Variants in RBFOX1 observed in about 807,000 individuals in gnomAD.
RBFOX1 encodes RNA binding fox-1 homolog 1, also known as RNA binding protein fox-1 homolog 1.
A neutral mutation model predicts 57.7 loss-of-function variants in RBFOX1; 8 were observed. The observed-to-expected ratio is 0.14, with a 90% CI of 0.08 to 0.25. RBFOX1 has a LOEUF of 0.25. Ranked by LOEUF, RBFOX1 falls within the 10% of genes least tolerant of loss-of-function variation. The pLI is 1.00. For synonymous variants in RBFOX1, 326 were observed against 222.4 expected (o/e 1.47, Z -4.15); for missense variants, 611 against 548.5 (o/e 1.11, Z -1.14).
chr16:7,608,958 G>A (rs1220773193), intron 10 of RBFOX1, among the ~76,000 whole-genome samples: 1 of 152,050 alleles, frequency 6.6e-6, no homozygotes, highest in African/African-American at 2.4e-5. Context: ...GTTCATTTAG[G>A]GGGTGTTAAT....
intron 1 of RBFOX1, among the ~76,000 whole-genome samples, chr16:5,438,214 A>G (rs2067974813): frequency 6.6e-6 from 1 of 152,222 alleles, no homozygotes; most frequent in African/African-American, 2.4e-5. Context: ...GCTCACTTAT[A>G]GGACGTGGGG....
chr16:6,803,306 G>A (rs911536149), intron 3 of RBFOX1, among the ~76,000 whole-genome samples: 2 of 152,152 alleles, frequency 1.3e-5, no homozygotes, highest in African/African-American at 2.4e-5. Context: ...AACTGGCATT[G>A]TTTCCTTAGT....
intron 3 of RBFOX1, among the ~76,000 whole-genome samples, chr16:5,700,799 T>C (rs1034105893): frequency 2.0e-5 from 3 of 152,222 alleles, no homozygotes; most frequent in African/African-American, 7.2e-5. Context: ...AATTCTTCAG[T>C]TATCCTTCCT....
intron 4 of RBFOX1, among the ~76,000 whole-genome samples, chr16:7,092,556 G>T (rs1056546749): frequency 1.3e-5 from 2 of 152,122 alleles, no homozygotes; most frequent in Non-Finnish European, 2.9e-5. Flanking sequence ...TTGATTATCA[G>T]TTGTTTCTGC....
At chr16:5,473,169 T>C (rs568988468) in intron 2 of RBFOX1, among the ~76,000 whole-genome samples, 5 of 152,322 alleles carry the variant, frequency 3.3e-5, no homozygotes, top group Non-Finnish European at 4.4e-5. Flanking sequence ...ATAATATTCC[T>C]TTTTTGTTCT....
At chr16:5,598,582 A>G (rs1369856080) in intron 2 of RBFOX1, among the ~76,000 whole-genome samples, 4 of 152,274 alleles carry the variant, frequency 2.6e-5, no homozygotes, top group African/African-American at 9.6e-5. Flanking sequence ...CGATATAAAA[A>G]TAATGAAATA....
At chr16:5,678,479 A>C (rs528207790) in intron 3 of RBFOX1, among the ~76,000 whole-genome samples, 1 of 152,338 alleles carries the variant, frequency 6.6e-6, no homozygotes, top group East Asian at 1.9e-4. Flanking sequence ...CATATGTGCA[A>C]GCGGGTAGGG....
chr16:7,219,846 C>G (rs2178720), intron 4 of RBFOX1, among the ~76,000 whole-genome samples: 3 of 151,952 alleles, frequency 2.0e-5, no homozygotes, highest in African/African-American at 4.8e-5. Context: ...CCCATTGTTT[C>G]TGAGAGTGAG....
At chr16:6,049,969 T>C (rs2095535985) in intron 1 of RBFOX1, among the ~76,000 whole-genome samples, 1 of 151,794 alleles carries the variant, frequency 6.6e-6, no homozygotes. Context: ...TTTTTTTTTT[T>C]TTGAGAGTGG....
At chr16:5,792,584 T>A (rs2054737882) in intron 3 of RBFOX1, among the ~76,000 whole-genome samples, 1 of 152,244 alleles carries the variant, frequency 6.6e-6, no homozygotes, top group African/African-American at 2.4e-5. Flanking sequence ...GGCTCATGCC[T>A]GTAATCCCAG....
intron 4 of RBFOX1, among the ~76,000 whole-genome samples, chr16:7,344,295 C>G (rs1430132318): frequency 6.7e-6 from 1 of 149,846 alleles, no homozygotes; most frequent in African/African-American, 2.4e-5. Flanking sequence ...ATAGTAAATC[C>G]AATATAGTCA....
At chr16:6,410,532 G>C (rs951992015) in intron 2 of RBFOX1, among the ~76,000 whole-genome samples, 2 of 151,778 alleles carry the variant, frequency 1.3e-5, no homozygotes, top group African/African-American at 2.4e-5. Context: ...AGGATGGTCT[G>C]GATCTCCTGA....
At chr16:7,553,606 T>C (rs1291627638) in intron 5 of RBFOX1, among the ~76,000 whole-genome samples, 1 of 152,138 alleles carries the variant, frequency 6.6e-6, no homozygotes, top group Non-Finnish European at 1.5e-5. Flanking sequence ...CAAATGAAGA[T>C]CTGCAAGTGG....
At chr16:7,332,864 G>A (rs541288940) in intron 4 of RBFOX1, 47 of 1,481,988 alleles carry the variant, frequency 3.2e-5, no homozygotes, top group South Asian at 2.3e-4. Flanking sequence ...CTCTCCCGGC[G>A]TTGATGAGTG....
intron 2 of RBFOX1, among the ~76,000 whole-genome samples, chr16:6,338,773 A>G (rs1343293463): frequency 6.6e-6 from 1 of 152,240 alleles, no homozygotes; most frequent in African/African-American, 2.4e-5. Flanking sequence ...CCAGGTGACC[A>G]TTATTATGTT....
intron 1 of RBFOX1, among the ~76,000 whole-genome samples, chr16:6,146,794 A>G (rs2096761748): frequency 6.6e-6 from 1 of 152,202 alleles, no homozygotes; most frequent in Admixed American, 6.5e-5. Flanking sequence ...AGAAGTGAGC[A>G]TCGTCTAAGT....
chr16:6,019,588 G>T lies in RBFOX1; in HGVS notation c.-531G>T. On this transcript the variant is annotated 5_prime_UTR_variant, in exon 1 of 16. Coordinates refer to ENST00000550418, the MANE Select transcript of RBFOX1 (RefSeq NM_018723.4). The surrounding 1 kb of genome is among the most constrained non-coding windows in gnomAD (Gnocchi z 4.2). Reference sequence around the variant, plus strand: ...GCTGGACCCACGCGCGCGCCTCCGGGGCTGAAGAAGGAAGGAGTGAGCCGA... The same window carrying T: ...GCTGGACCCACGCGCGCGCCTCCGGTGCTGAAGAAGGAAGGAGTGAGCCGA... 8.4e-7 allele frequency: 1 copy of T among 1,195,168 alleles called. No individual in the cohort carries two copies. Among genetic ancestry groups the T allele is most frequent in the Non-Finnish European group, 1.0e-6 (1 of 963,976 alleles). 74.0% of individuals were successfully genotyped at this position (1,195,168 alleles called of 1,614,324 possible).
intron 1 of RBFOX1, among the ~76,000 whole-genome samples, chr16:6,107,857 G>C (rs1239984532): frequency 6.6e-6 from 1 of 152,058 alleles, no homozygotes; most frequent in Non-Finnish European, 1.5e-5. Flanking sequence ...ATAATTAATA[G>C]TTGATTCTAT....
chr16:5,278,697 A>C (rs887425933), intron 1 of RBFOX1, among the ~76,000 whole-genome samples: 2 of 152,052 alleles, frequency 1.3e-5, no homozygotes, highest in Non-Finnish European at 2.9e-5. Context: ...TCCTGTGTTT[A>C]CTTCTAGTAG....
Sources: gnomAD v4.1 joint callset for allele counts (sites outside exome capture counted in the v4.1 genomes callset) on GRCh38, gnomAD v4.1.1 for gene constraint, Gnocchi (gnomAD v3.1) non-coding constraint, MANE v1.5 for transcripts, NCBI Gene and HGNC (gene_info 2026-07-23, HGNC 2026-07-21) for gene names.